The following FBLN7 variants were observed in gnomAD, a reference collection of about 807,000 sequenced individuals.
The protein encoded by FBLN7 is fibulin-7.
Under a neutral mutation model 44.0 loss-of-function variants are expected in FBLN7, and 31 were observed. The observed-to-expected ratio is 0.70, with a 90% CI of 0.53 to 0.95. The LOEUF (loss-of-function observed/expected upper bound fraction) is 0.95, where lower values mean the gene tolerates loss of function less well. Ranked by LOEUF, FBLN7 falls within the 40% of genes least tolerant of loss-of-function variation. The pLI, the probability that FBLN7 is intolerant of heterozygous loss-of-function variation, is 0.00. For synonymous variants in FBLN7, 262 were observed against 253.4 expected, an observed-to-expected ratio of 1.03 and a Z score of -0.32; for missense variants, 573 against 618.5, an observed-to-expected ratio of 0.93 and a Z score of 0.78.
At chr2:112,200,593 C>T in the FBLN7 span, among the ~76,000 whole-genome samples, 1 of 152,118 alleles carries the variant, frequency 6.6e-6, no homozygotes, top group East Asian at 1.9e-4. Context: ...GGAGTGCAGT[C>T]GCACAATCTC....
intron 1 of FBLN7, among the ~76,000 whole-genome samples, chr2:112,145,652 T>C (rs1472087747): frequency 6.6e-6 from 1 of 152,218 alleles, no homozygotes; most frequent in Non-Finnish European, 1.5e-5. Context: ...CATGAAAATT[T>C]TCTTCTAAAA....
intron 6 of FBLN7, among the ~76,000 whole-genome samples, chr2:112,184,381 G>A (rs1364378361): frequency 1.3e-5 from 2 of 152,218 alleles, no homozygotes; most frequent in Non-Finnish European, 2.9e-5. Flanking sequence ...GCTCTGAGGA[G>A]TGGGTGACCT....
chr2:112,236,703 C>CA, the FBLN7 span: 1 of 1,594,200 alleles, frequency 6.3e-7, no homozygotes, highest in Non-Finnish European at 8.5e-7. Flanking sequence ...CAGCTAAAAA[C>CA]AAAAAATTAA....
Position 112,174,689 on chromosome 2 carries a change from G to GT in FBLN7, c.407-1017dup, listed in dbSNP as rs1054115020. Among the ~76,000 whole-genome samples the GT allele has an allele frequency of 5.3e-5, 8 of 151,950 alleles. No homozygotes were observed. The South Asian group carries it at 1.2e-3, about 24-fold the overall frequency. On this transcript the variant is annotated intron_variant, in intron 3 of 7. Transcript: ENST00000331203. ...ATAACAAGCACATGTGGCCTATGGG[G>GT]TTTTTTTTGTTTGTTTGGTTGGTTG...
Position 112,187,615 on chromosome 2 carries a change from A to T in FBLN7, c.*109A>T. 1 of 1,441,988 alleles carries T rather than the reference A, an allele frequency of 6.9e-7. No individual in the cohort carries two copies. Among genetic ancestry groups the T allele is most frequent in the Non-Finnish European group, 9.4e-7 (1 of 1,063,104 alleles). The allele number at this position is 1,441,988 out of a possible 1,614,324, so 89.3% of individuals were successfully genotyped here. On this transcript the variant is annotated 3_prime_UTR_variant, in exon 8 of 8. Coordinates refer to ENST00000331203, the MANE Select transcript of FBLN7 (RefSeq NM_153214.3). The surrounding 1 kb of genome is among the most constrained non-coding windows in gnomAD (Gnocchi z 5.1). ...GCCTCCCGCCTGTTCCCGCCCTCTC[A>T]CCAGTGCACCCAGGCTTCTAGGGCA... is the stretch of plus-strand genomic sequence containing the variant.
At chr2:112,238,333 C>G in the FBLN7 span, 1 of 1,613,574 alleles carries the variant, frequency 6.2e-7, no homozygotes, top group Admixed American at 1.7e-5. Context: ...GTATCTTTTA[C>G]TCCTTCTTTC....
At chr2:112,198,748 T>C in the FBLN7 span, among the ~76,000 whole-genome samples, 1 of 152,212 alleles carries the variant, frequency 6.6e-6, no homozygotes, top group African/African-American at 2.4e-5. Flanking sequence ...AAACAGGTCC[T>C]CACCAGACAC....
At chr2:112,240,126 C>T in the FBLN7 span, among the ~76,000 whole-genome samples, 2 of 152,166 alleles carry the variant, frequency 1.3e-5, no homozygotes, top group African/African-American at 4.8e-5. Context: ...TGCCTTTTCC[C>T]CATTAACACC....
downstream of FBLN7, chr2:112,190,081 G>A (rs764855876): frequency 1.3e-5 from 2 of 152,078 alleles, no homozygotes; most frequent in Non-Finnish European, 2.9e-5. Flanking sequence ...AAAATATAGG[G>A]TCATTTATAT....
At chr2:112,168,087 A>G (rs919283900) in intron 3 of FBLN7, among the ~76,000 whole-genome samples, 2 of 152,156 alleles carry the variant, frequency 1.3e-5, no homozygotes, top group Non-Finnish European at 2.9e-5. Context: ...GGCGTCCAGC[A>G]AGCCTACTGA....
chr2:112,198,096 A>G, the FBLN7 span, among the ~76,000 whole-genome samples: 4 of 152,134 alleles, frequency 2.6e-5, no homozygotes, highest in Non-Finnish European at 5.9e-5. Flanking sequence ...TGCAGGATCA[A>G]AAACACTCCC....
chr2:112,206,450 T>A, the FBLN7 span, among the ~76,000 whole-genome samples: 1 of 152,218 alleles, frequency 6.6e-6, no homozygotes, highest in Non-Finnish European at 1.5e-5. Flanking sequence ...TCATTTTGCT[T>A]TGGATTTATT....
intron 1 of FBLN7, among the ~76,000 whole-genome samples, chr2:112,142,414 C>T (rs1167917687): frequency 1.3e-5 from 2 of 152,160 alleles, no homozygotes; most frequent in Non-Finnish European, 2.9e-5. Context: ...CTATAGGGCT[C>T]CAGGGGCAGG....
chr2:112,182,114 C>A, intron 5 of FBLN7: 1 of 541,264 alleles, frequency 1.8e-6, no homozygotes, highest in South Asian at 2.4e-5. Flanking sequence ...GCCCAAGCCA[C>A]ACGCGCTTGG....
At chr2:112,140,287 TC>T (rs1680571743) in intron 1 of FBLN7, among the ~76,000 whole-genome samples, 1 of 150,496 alleles carries the variant, frequency 6.6e-6, no homozygotes, top group Admixed American at 6.6e-5. Context: ...TCAGTGTCCC[TC>T]CCGCCTCTCT....
At chr2:112,206,265 C>T in the FBLN7 span, among the ~76,000 whole-genome samples, 1 of 152,050 alleles carries the variant, frequency 6.6e-6, no homozygotes, top group Non-Finnish European at 1.5e-5. Flanking sequence ...CTCTCTTTTG[C>T]TCCTTATCAG....
chr2:112,188,561 G>A (rs1049084501), downstream of FBLN7: 9 of 152,184 alleles, frequency 5.9e-5, no homozygotes, highest in Admixed American at 1.3e-4. Context: ...GGGGTAGGGT[G>A]GGGAAGATCA....
At chr2:112,244,216 A>C in the FBLN7 span, among the ~76,000 whole-genome samples, 1 of 152,172 alleles carries the variant, frequency 6.6e-6, no homozygotes, top group African/African-American at 2.4e-5. Flanking sequence ...GAAATTGGTA[A>C]ATTTCACCTT....
At chr2:112,200,158 A>G in the FBLN7 span, among the ~76,000 whole-genome samples, 2 of 152,140 alleles carry the variant, frequency 1.3e-5, no homozygotes, top group African/African-American at 4.8e-5. Flanking sequence ...TCAACTCCCA[A>G]CTCAAGCAAC....
Sources: gnomAD v4.1 joint callset for allele counts (sites outside exome capture counted in the v4.1 genomes callset) on GRCh38, gnomAD v4.1.1 for gene constraint, Gnocchi (gnomAD v3.1) non-coding constraint, MANE v1.5 for transcripts, NCBI Gene and HGNC (gene_info 2026-07-23, HGNC 2026-07-21) for gene names.